The following CMTM4 variants were observed in gnomAD, a reference collection of about 807,000 sequenced individuals.
CMTM4 encodes the protein CKLF like MARVEL transmembrane domain containing 4, also known as CKLF-like MARVEL transmembrane domain-containing protein 4.
In CMTM4, 8 loss-of-function variants were observed where a neutral mutation model predicts 19.0. The observed-to-expected ratio is 0.42, with a 90% CI of 0.25 to 0.76. The LOEUF is 0.76. Ranked by LOEUF, CMTM4 falls within the 30% of genes least tolerant of loss-of-function variation. The probability of loss-of-function intolerance (pLI) is 0.27; values close to 1 mark genes in which losing one functional copy is unlikely to be tolerated. For missense variants in CMTM4, 228 were observed against 290.2 expected (o/e 0.79, Z 1.56); for synonymous variants, 106 against 121.1 (o/e 0.88, Z 0.82).
chr16:66,611,682 G>C (rs1005192961), downstream of CMTM4, among the ~76,000 whole-genome samples: 3 of 152,036 alleles, frequency 2.0e-5, no homozygotes, highest in Non-Finnish European at 4.4e-5. Flanking sequence ...TGGGGTTGGG[G>C]GTTAGTGACT....
chr16:66,610,989 TC>T, downstream of CMTM4: 1 of 398,252 alleles, frequency 2.5e-6, no homozygotes, highest in Non-Finnish European at 4.4e-6. This position sits in a 1 kb window ranked among gnomAD's most constrained non-coding sequence, Gnocchi z 4.6. Flanking sequence ...TGCAACCTGC[TC>T]CCAGTTGCCC....
the CMTM4 span, chr16:66,604,758 G>C: frequency 1.6e-6 from 2 of 1,213,586 alleles, no homozygotes; most frequent in Non-Finnish European, 2.0e-6. Flanking sequence ...CTCCGGGCGC[G>C]AGAAGAGGGG....
At chr16:66,632,686 G>A (rs1426582820) in intron 2 of CMTM4, among the ~76,000 whole-genome samples, 2 of 152,004 alleles carry the variant, frequency 1.3e-5, no homozygotes, top group Admixed American at 6.6e-5. Flanking sequence ...TTTAGATAGC[G>A]CCACATCCCA....
chr16:66,665,580 A>G (rs1189499782), intron 1 of CMTM4, among the ~76,000 whole-genome samples: 2 of 152,058 alleles, frequency 1.3e-5, no homozygotes, highest in Non-Finnish European at 2.9e-5. Context: ...CCCCATCTCT[A>G]CTAAAAATAC....
intron 2 of CMTM4, among the ~76,000 whole-genome samples, chr16:66,626,859 G>T (rs1431762997): frequency 6.6e-6 from 1 of 152,160 alleles, no homozygotes; most frequent in Admixed American, 6.5e-5. Flanking sequence ...CCAACACTTG[G>T]GAGGCTGAGG....
chr16:66,653,244 G>A (rs1303082998), intron 1 of CMTM4, among the ~76,000 whole-genome samples: 1 of 152,108 alleles, frequency 6.6e-6, no homozygotes, highest in Non-Finnish European at 1.5e-5. Flanking sequence ...AATGAGAAAC[G>A]AGCAGGCTGG....
intron 2 of CMTM4, 42 bp from the exon 3 acceptor site, chr16:66,623,544 C>A: frequency 7.0e-7 from 1 of 1,425,938 alleles, no homozygotes; most frequent in East Asian, 2.3e-5. Flanking sequence ...AAGAACCATT[C>A]CATCTTTGCT....
At position 66,621,996 on chromosome 16, in the gene CMTM4, G is replaced by T. The variant is rs939283755; in HGVS notation, c.*62C>A. ...CACATGGAAATCTGACAGGACAAGGGAAAGAAAACTTGACTGAGAGACAGG... is the reference window on the plus strand; with the variant it reads ...CACATGGAAATCTGACAGGACAAGGTAAAGAAAACTTGACTGAGAGACAGG... On this transcript the variant is annotated 3_prime_UTR_variant, in exon 4 of 4. Coordinates refer to ENST00000394106, the MANE Select transcript of CMTM4 (RefSeq NM_181521.3). 4.6e-6 allele frequency: 7 copies of T among 1,518,402 alleles called. No individual in the cohort carries two copies. In the East Asian group the frequency reaches 1.7e-4, roughly 38 times the overall value. The allele number at this position is 1,518,402 out of a possible 1,614,324, so 94.1% of individuals were successfully genotyped here.
At position 66,622,295 on chromosome 16, in the gene CMTM4, C is replaced by G. The variant is rs1478784182; in HGVS notation, c.463-73G>C. ...CTCAAGGCTTCTGTGGTGACCCAAG[C>G]CACATGCAGCCCCTTCCTGCTCTGC... On this transcript the variant is annotated intron_variant, in intron 3 of 3. Coordinates refer to ENST00000394106, the MANE Select transcript of CMTM4 (RefSeq NM_181521.3). This position sits in a 1 kb window ranked among gnomAD's most constrained non-coding sequence, Gnocchi z 4.0. 2 of 1,516,272 alleles carry G rather than the reference C, an allele frequency of 1.3e-6. No individual in the cohort carries two copies. The highest frequency in any genetic ancestry group is 2.7e-5 in the African/African-American group (2 of 73,470). 93.9% of individuals were successfully genotyped at this position (1,516,272 alleles called of 1,614,324 possible). A position where few individuals can be genotyped will look rare whatever the true frequency, so the allele number is the denominator to read the frequency against.
In CMTM4 at chr16:66,683,786, G is replaced by C. The variant is rs868402909; in HGVS notation, c.186+12554C>G. Among the ~76,000 whole-genome samples the C allele has an allele frequency of 4.6e-5, 7 of 151,674 alleles. No homozygotes were observed. The East Asian group carries it at 1.4e-3, about 30-fold the overall frequency. ...GGTCAATAGTAAGGCAGAGTGGGGT[G>C]GGGGAGTGTTCTATTCCAGATGTGG... On this transcript the variant is annotated intron_variant, in intron 1 of 3. Coordinates refer to ENST00000394106, the MANE Select transcript of CMTM4 (RefSeq NM_181521.3).
chr16:66,615,229 C>T lies in CMTM4; in HGVS notation c.*6829G>A, dbSNP rs939248091. ...AAAAGTGCCACCAGGTGAAGTACCA[C>T]GGAGAAATCATATTGGAAAGTTACT... On this transcript the variant is annotated 3_prime_UTR_variant, in exon 4 of 4. Coordinates refer to ENST00000394106, the MANE Select transcript of CMTM4 (RefSeq NM_181521.3). The surrounding 1 kb of genome is among the most constrained non-coding windows in gnomAD (Gnocchi z 4.9). 2.6e-5 allele frequency: 4 copies of T among 152,334 alleles called. No individual in the cohort carries two copies. The highest frequency in any genetic ancestry group is 1.9e-4 in the East Asian group (1 of 5,186). The allele number at this position is 152,334 out of a possible 1,614,324, so 9.4% of individuals were successfully genotyped here.
intron 1 of CMTM4, among the ~76,000 whole-genome samples, chr16:66,694,063 G>A (rs960979506): frequency 6.6e-6 from 1 of 151,542 alleles, no homozygotes; most frequent in South Asian, 2.1e-4. Context: ...AAAGAGAGAG[G>A]GAGAGAGCGC....
chr16:66,624,676 A>G (rs2015702243), intron 2 of CMTM4, among the ~76,000 whole-genome samples: 1 of 152,242 alleles, frequency 6.6e-6, no homozygotes, highest in South Asian at 2.1e-4. Context: ...CTGAAGTACG[A>G]GAATCACTTG....
rs776453272 is a variant in CMTM4 at position 66,620,411 on chromosome 16, A to G, written c.*1647T>C. ...GGTGCTCAGCCACATAGCCTGGGAC[A>G]CTGCTCCCAACTCAGATCGTACTGA... On this transcript the variant is annotated 3_prime_UTR_variant, in exon 4 of 4. Transcript: ENST00000394106. 7.8e-5 allele frequency: 77 copies of G among 985,344 alleles called. No homozygotes were observed. The highest frequency in any genetic ancestry group is 8.9e-5 in the Non-Finnish European group (74 of 829,966). 61.0% of individuals were successfully genotyped at this position (985,344 alleles called of 1,614,324 possible).
At chr16:66,694,084 AAG>A (rs966924525) in intron 1 of CMTM4, among the ~76,000 whole-genome samples, 2 of 152,070 alleles carry the variant, frequency 1.3e-5, no homozygotes, top group African/African-American at 4.8e-5. Context: ...GAGGGAGAGA[AAG>A]AGAAAAGAGA....
At chr16:66,639,335 G>GT (rs1343487196) in intron 1 of CMTM4, among the ~76,000 whole-genome samples, 1 of 152,090 alleles carries the variant, frequency 6.6e-6, no homozygotes, top group Non-Finnish European at 1.5e-5. Context: ...GTGTGGGAAG[G>GT]TAACACCTAC....
At chr16:66,691,544 T>A (rs2017135093) in intron 1 of CMTM4, among the ~76,000 whole-genome samples, 1 of 151,950 alleles carries the variant, frequency 6.6e-6, no homozygotes, top group Non-Finnish European at 1.5e-5. Flanking sequence ...CTACAAAAAA[T>A]TTAAAAATTA....
At chr16:66,658,045 A>T (rs889889243) in intron 1 of CMTM4, among the ~76,000 whole-genome samples, 7 of 151,942 alleles carry the variant, frequency 4.6e-5, no homozygotes, top group Non-Finnish European at 8.8e-5. Flanking sequence ...ACATACTAAG[A>T]CTCCATCTCT....
In CMTM4 at chr16:66,621,759, C is replaced by T; in HGVS notation, c.*299G>A. 1 of 1,205,244 alleles carries T rather than the reference C, an allele frequency of 8.3e-7. No homozygotes were observed. Among genetic ancestry groups the T allele is most frequent in the Non-Finnish European group, 1.0e-6 (1 of 962,140 alleles). 74.7% of individuals were successfully genotyped at this position (1,205,244 alleles called of 1,614,324 possible). A position where few individuals can be genotyped will look rare whatever the true frequency, so the allele number is the denominator to read the frequency against. Reference sequence around the variant, plus strand: ...TTAATCCAAAGTCTTGTTACAAATACACACGACAAGGTGGCTCAGAGTCAA... The same window carrying T: ...TTAATCCAAAGTCTTGTTACAAATATACACGACAAGGTGGCTCAGAGTCAA... On this transcript the variant is annotated 3_prime_UTR_variant, in exon 4 of 4. Coordinates refer to ENST00000394106, the MANE Select transcript of CMTM4 (RefSeq NM_181521.3).
Sources: allele counts gnomAD v4.1 joint callset (sites outside exome capture counted in the v4.1 genomes callset), GRCh38; gene constraint gnomAD v4.1.1; non-coding constraint Gnocchi (gnomAD v3.1); transcripts MANE v1.5; gene names NCBI Gene and HGNC (gene_info 2026-07-23, HGNC 2026-07-21).